The following MYO7A variants were observed in gnomAD, a reference collection of about 807,000 sequenced individuals.
The protein encoded by MYO7A is unconventional myosin-VIIa.
MYO7A carries 210 observed loss-of-function variants against 263.8 expected under a neutral mutation model. That is an observed-to-expected ratio of 0.80 (90% CI 0.71 to 0.89). MYO7A has a LOEUF of 0.89. Among genes scored for constraint, MYO7A ranks in the 40% least tolerant of loss-of-function variants. MYO7A has a pLI of 0.00. For missense variants in MYO7A, 2,820 were observed against 2,968.3 expected, an observed-to-expected ratio of 0.95 and a Z score of 1.16; for synonymous variants, 1,239 against 1,197.3, an observed-to-expected ratio of 1.03 and a Z score of -0.72.
rs140925152 is a variant in MYO7A, at chr11:77,171,130, G to A, written c.1798-1618G>A. Reference sequence around the variant, plus strand: ...CAGGGAGGACGGGCAGAAAGCAGTCGTTTTATTGTGATGACCAAGACCAAA... The same window carrying A: ...CAGGGAGGACGGGCAGAAAGCAGTCATTTTATTGTGATGACCAAGACCAAA... On this transcript the variant is annotated intron_variant, in intron 15 of 48. Coordinates refer to ENST00000409709, the MANE Select transcript of MYO7A (RefSeq NM_000260.4). Among the ~76,000 whole-genome samples, 28 of 152,370 alleles carry A rather than the reference G, an allele frequency of 1.8e-4. No homozygotes were observed. The East Asian group carries it at 2.5e-3, about 14-fold the overall frequency.
Position 77,201,428 on chromosome 11 carries a change from C to CA in MYO7A, c.4853-19dup. ...CAGCCTGTCTCTGCCCCCATGGTCC[C>CA]ACTCACCTCTGCTCTACAGCAGGCG... On this transcript the variant is annotated intron_variant, in intron 35 of 48. Transcript: ENST00000409709. The CA allele has an allele frequency of 6.2e-7, 1 of 1,607,928 alleles. No homozygotes were observed. Among genetic ancestry groups the CA allele is most frequent in the African/African-American group, 1.3e-5 (1 of 74,920 alleles).
Position 77,174,901 on chromosome 11 carries a change from C to T in MYO7A, c.2081C>T (p.Pro694Leu), listed in dbSNP as rs200057810. 140 of 1,613,484 alleles carry T rather than the reference C, an allele frequency of 8.7e-5. No homozygotes were observed. The highest frequency in any genetic ancestry group is 1.6e-4 in the Middle Eastern group (1 of 6,084). ...RYRVLLPGVK[P>L]AYKQGDLRGT... ...CGTGTGCTGCTGCCAGGTGTGAAGC[C>T]GGCCTACAAGCAGGTACAGGGCTGA... Residue 694 changes from proline (P) to leucine (L), a missense_variant, in exon 17 of 49, where the codon CCG becomes CTG. Pro to Leu is a moderately conservative substitution (Grantham distance 98, BLOSUM62 -3). Coordinates refer to ENST00000409709, the MANE Select transcript of MYO7A (RefSeq NM_000260.4).
Position 77,199,274 on chromosome 11 carries a change from C to T in MYO7A, c.4569-261C>T, listed in dbSNP as rs3781691. Among the ~76,000 whole-genome samples the T allele has an allele frequency of 0.5, 75,725 of 152,060 alleles. 19,334 individuals are homozygous for T. Among genetic ancestry groups the T allele is most frequent in the Admixed American group, 0.59 (8,970 of 15,288 alleles). On this transcript the variant is annotated intron_variant, in intron 34 of 48. Coordinates refer to ENST00000409709, the MANE Select transcript of MYO7A (RefSeq NM_000260.4). ...GAGAGGAGACAGACATTGAATAGGC[C>T]ATTTTAAAGCATGGTATGATCAGGG...
chr11:77,176,383 G>A (rs1019318024), intron 18 of MYO7A, among the ~76,000 whole-genome samples: 5 of 152,260 alleles, frequency 3.3e-5, no homozygotes, highest in Non-Finnish European at 7.3e-5. Context: ...CTGGGTGGGT[G>A]CTTTTCATCC....
chr11:77,182,183 C>G (rs1353290295), intron 24 of MYO7A, 29 bp downstream of exon 24: 2 of 1,610,916 alleles, frequency 1.2e-6, no homozygotes, highest in African/African-American at 2.7e-5. Flanking sequence ...TAGGTCACTG[C>G]TGGGTGGGGC....
rs782788623 is a variant in MYO7A, at chr11:77,182,099, C to G, written c.3053C>G (p.Thr1018Ser). Residue 1018 changes from threonine to serine, a missense_variant, in exon 24 of 49, where the codon ACC (threonine) becomes AGC (serine). By Grantham distance (58) the Thr-to-Ser change is moderately conservative (BLOSUM62 1). Coordinates refer to ENST00000409709, the MANE Select transcript of MYO7A (RefSeq NM_000260.4). Reference sequence around the variant, plus strand: ...CAGGGGACAACCACGCACTCCTACACCCGGCGGCCACTCAAACAGCCACTG... The same window carrying G: ...CAGGGGACAACCACGCACTCCTACAGCCGGCGGCCACTCAAACAGCCACTG... ...YFQGTTTHSY[T>S]RRPLKQPLLY... The G allele has an allele frequency of 1.2e-6, 2 of 1,613,312 alleles. No homozygotes were observed. The highest frequency in any genetic ancestry group is 1.7e-6 in the Non-Finnish European group (2 of 1,179,872).
intron 39 of MYO7A, 119 bp from the exon 40 acceptor site, chr11:77,205,343 G>A: frequency 1.6e-6 from 2 of 1,222,914 alleles, no homozygotes; most frequent in Non-Finnish European, 2.2e-6. Flanking sequence ...AAGGTCAGGA[G>A]GGACGGTGCT....
At chr11:77,143,091 G>A (rs373807868) in intron 3 of MYO7A, among the ~76,000 whole-genome samples, 11 of 152,200 alleles carry the variant, frequency 7.2e-5, no homozygotes, top group African/African-American at 2.7e-4. Context: ...TGGGGTTTGA[G>A]TGCAGGGGGA....
intron 4 of MYO7A, among the ~76,000 whole-genome samples, chr11:77,149,230 A>G (rs1262278359): frequency 1.4e-5 from 2 of 138,410 alleles, no homozygotes; most frequent in Non-Finnish European, 3.1e-5. Context: ...AGAGAGCAGG[A>G]GGGACCCCCC....
chr11:77,189,518 G>C (rs1555090526), intron 28 of MYO7A, 48 bp downstream of exon 28: 1 of 1,610,038 alleles, frequency 6.2e-7, no homozygotes, highest in Admixed American at 1.7e-5. Context: ...GCTAGGCCCT[G>C]TCCCAGCACT....
chr11:77,149,527 A>G (rs1421048051), intron 4 of MYO7A, among the ~76,000 whole-genome samples: 1 of 152,110 alleles, frequency 6.6e-6, no homozygotes, highest in African/African-American at 2.4e-5. Flanking sequence ...AGGGCTGGAA[A>G]AGTCTCAGGG....
intron 2 of MYO7A, among the ~76,000 whole-genome samples, chr11:77,132,458 A>G (rs1950793875): frequency 6.6e-6 from 1 of 151,808 alleles, no homozygotes; most frequent in Non-Finnish European, 1.5e-5. Flanking sequence ...AGCTGTGGGA[A>G]AACAGGGGTT....
intron 16 of MYO7A, 60 bp downstream of exon 16, chr11:77,172,945 T>C: frequency 2.6e-6 from 4 of 1,509,594 alleles, no homozygotes; most frequent in Non-Finnish European, 3.6e-6. Flanking sequence ...AGGAGCTAGG[T>C]CAAGAATAAG....
Position 77,213,925 on chromosome 11 carries a change from C to G in MYO7A, c.6504C>G (p.His2168Gln). The change falls in exon 48 of 49, where the codon CAC becomes CAG. Residue 2168 changes from histidine (H) to glutamine (Q), a missense_variant. His to Gln is a conservative substitution (Grantham distance 24). Transcript: ENST00000409709. ...SNWSSGNTYFHITIGNLVRGS... is the reference protein window; with the variant it reads ...SNWSSGNTYFQITIGNLVRGS... ...GGAGCAGCGGCAACACCTACTTCCA[C>G]ATCACCATTGGGAACTTGGTGCGCG... 6.2e-7 allele frequency: 1 copy of G among 1,614,086 alleles called. No individual in the cohort carries two copies. Among genetic ancestry groups the G allele is most frequent in the Non-Finnish European group, 8.5e-7 (1 of 1,179,900 alleles).
rs549708411 is a variant in MYO7A at position 77,147,700 on chromosome 11, T to A, written c.133-98T>A. ...AGAGAGGTCGAGGCCCTTACCCGGG[T>A]TGGCACTCACCCCGCGCTCCCGCCC... On this transcript the variant is annotated intron_variant, in intron 3 of 48. Transcript: ENST00000409709. 15 of 1,500,452 alleles carry A rather than the reference T, an allele frequency of 1.0e-5. No individual in the cohort carries two copies. In the East Asian group the frequency reaches 3.7e-4, roughly 37 times the overall value. 92.9% of individuals were successfully genotyped at this position (1,500,452 alleles called of 1,614,324 possible).
At chr11:77,143,706 G>A (rs1263268154) in intron 3 of MYO7A, among the ~76,000 whole-genome samples, 1 of 152,226 alleles carries the variant, frequency 6.6e-6, no homozygotes, top group Non-Finnish European at 1.5e-5. Context: ...CTGCCATAAT[G>A]TGGGCTGTGC....
rs1555079150 is a variant in MYO7A, at chr11:77,174,934, G to A, written c.2094+20G>A. ...AAGCAGGTACAGGGCTGAGTGCACAGAGGGCAGGAGGGGAGGGTCCCAGCT... is the reference window on the plus strand; with the variant it reads ...AAGCAGGTACAGGGCTGAGTGCACAAAGGGCAGGAGGGGAGGGTCCCAGCT... On this transcript the variant is annotated intron_variant, in intron 17 of 48. Coordinates refer to ENST00000409709, the MANE Select transcript of MYO7A (RefSeq NM_000260.4). The A allele has an allele frequency of 1.9e-6, 3 of 1,602,614 alleles. No homozygotes were observed. The East Asian group carries it at 6.7e-5, about 36-fold the overall frequency.
rs1259232470 is a variant in MYO7A, at chr11:77,180,301, G to C, written c.2587-73G>C. 6.0e-6 allele frequency: 8 copies of C among 1,330,188 alleles called. No individual in the cohort carries two copies. The South Asian group carries it at 1.0e-4, about 17-fold the overall frequency. 82.4% of individuals were successfully genotyped at this position (1,330,188 alleles called of 1,614,324 possible). The stretch of plus-strand genomic sequence containing the variant: ...AGTTCCAGAACTCAGAGTTGGGTGG[G>C]TGGAGCTGGTGGGAATCCCTGCAAC... On this transcript the variant is annotated intron_variant, in intron 21 of 48. Transcript: ENST00000409709.
chr11:77,132,493 G>GTA lies in MYO7A; in HGVS notation c.18+1842_18+1843insAT, dbSNP rs543766160. ...TTTGTTTGTTTGTTTGTTTGTTTGT[G>GTA]TGTGTGTTTGTTTTGAGACAGAGTC... On this transcript the variant is annotated intron_variant, in intron 2 of 48. Transcript: ENST00000409709. Among the ~76,000 whole-genome samples, 9 of 147,890 alleles carry GTA rather than the reference G, an allele frequency of 6.1e-5. No individual in the cohort carries two copies. The South Asian group carries it at 1.9e-3, about 32-fold the overall frequency.
Sources: gnomAD v4.1 joint callset for allele counts (sites outside exome capture counted in the v4.1 genomes callset) on GRCh38, gnomAD v4.1.1 for gene constraint, MANE v1.5 for transcripts, NCBI Gene and HGNC (gene_info 2026-07-23, HGNC 2026-07-21) for gene names.